The following HSPH1 variants were observed in gnomAD, a reference collection of about 807,000 sequenced individuals.
HSPH1 encodes the protein heat shock protein family H (Hsp110) member 1.
A neutral mutation model predicts 100.0 loss-of-function variants in HSPH1; 40 were observed. The ratio of observed to expected loss-of-function variants is 0.40; its 90% CI spans 0.31 to 0.52. HSPH1 has a LOEUF of 0.52. HSPH1 is among the 20% of genes least tolerant of loss of function. The pLI, the probability that HSPH1 is intolerant of heterozygous loss-of-function variation, is 0.54. For synonymous variants in HSPH1, 403 were observed against 344.0 expected (o/e 1.17, Z -1.90); for missense variants, 876 against 1,015.1 (o/e 0.86, Z 1.86).
Position 31,161,841 on chromosome 13 carries a change from C to T in HSPH1, c.-259G>A. On this transcript the variant is annotated 5_prime_UTR_variant, in exon 1 of 18. Coordinates refer to ENST00000320027, the MANE Select transcript of HSPH1 (RefSeq NM_006644.4). ...TCAGCCTCCGCAGGTCGCTCCGCAC[C>T]TCGGGTTGCCTGCCTCACTCTGCCG... 1.4e-6 allele frequency: 2 copies of T among 1,476,928 alleles called. No individual in the cohort carries two copies. The highest frequency in any genetic ancestry group is 2.5e-5 in the East Asian group (1 of 40,252). The allele number at this position is 1,476,928 out of a possible 1,614,324, so 91.5% of individuals were successfully genotyped here.
chr13:31,141,326 G>A, intron 12 of HSPH1, 67 bp from the exon 13 acceptor site: 1 of 1,346,254 alleles, frequency 7.4e-7, no homozygotes, highest in Non-Finnish European at 1.0e-6. Flanking sequence ...CAAAAAAAAT[G>A]TCCTCATACT....
At chr13:31,140,990 C>T in intron 13 of HSPH1, 132 bp downstream of exon 13, 1 of 554,894 alleles carries the variant, frequency 1.8e-6, no homozygotes, top group Non-Finnish European at 2.9e-6. Context: ...GTTTTGTCTT[C>T]ATCCTATCCC....
intron 9 of HSPH1, 92 bp downstream of exon 9, chr13:31,148,282 G>T: frequency 1.0e-6 from 1 of 992,588 alleles, no homozygotes; most frequent in Non-Finnish European, 1.5e-6. Flanking sequence ...GACTACTAGA[G>T]AAGTCATTTG....
At chr13:31,142,354 G>A (rs926639675) in intron 12 of HSPH1, among the ~76,000 whole-genome samples, 1 of 152,066 alleles carries the variant, frequency 6.6e-6, no homozygotes, top group African/African-American at 2.4e-5. Context: ...CACCTATCAA[G>A]TGCCATAAGC....
At position 31,154,758 on chromosome 13, in the gene HSPH1, A is replaced by G; in HGVS notation, c.307-3T>C. On this transcript the variant is annotated splice_polypyrimidine_tract_variant and splice_region_variant and intron_variant, in intron 3 of 17. Coordinates refer to ENST00000320027, the MANE Select transcript of HSPH1 (RefSeq NM_006644.4). ...TGTTCTTCACCCATGTACATTACCT[A>G]TATTGAAGGGAAAAAATGTTTTAAA... 1 of 1,610,512 alleles carries G rather than the reference A, an allele frequency of 6.2e-7. No homozygotes were observed. Among genetic ancestry groups the G allele is most frequent in the Non-Finnish European group, 8.5e-7 (1 of 1,177,712 alleles).
At chr13:31,139,151 A>C (rs768167626) in intron 14 of HSPH1, 44 bp from the exon 15 acceptor site, 1 of 1,195,788 alleles carries the variant, frequency 8.4e-7, no homozygotes, top group African/African-American at 1.5e-5. Context: ...CGTACTTCAG[A>C]ATTTTTCACA....
At chr13:31,140,997 T>C in intron 13 of HSPH1, 125 bp downstream of exon 13, 2 of 582,394 alleles carry the variant, frequency 3.4e-6, no homozygotes, top group Non-Finnish European at 5.5e-6. Context: ...CTTCATCCTA[T>C]CCCTAAAACT....
At chr13:31,158,484 G>A (rs1008203568) in intron 2 of HSPH1, among the ~76,000 whole-genome samples, 3 of 149,772 alleles carry the variant, frequency 2.0e-5, no homozygotes, top group East Asian at 2.0e-4. Context: ...GGGAGGCGGA[G>A]GTTGCAGTGA....
At chr13:31,139,616 C>G (rs531665258) in intron 14 of HSPH1, among the ~76,000 whole-genome samples, 1 of 152,046 alleles carries the variant, frequency 6.6e-6, no homozygotes, top group African/African-American at 2.4e-5. Context: ...GACCTTAGAA[C>G]TATTAATAAA....
chr13:31,156,393 A>AC (rs1204223207), intron 2 of HSPH1, among the ~76,000 whole-genome samples: 1 of 124,700 alleles, frequency 8.0e-6, no homozygotes, highest in Non-Finnish European at 1.9e-5. Flanking sequence ...CCGTCTCAAA[A>AC]CAAAAAAAAA....
At chr13:31,161,058 A>C (rs909025697) in intron 1 of HSPH1, among the ~76,000 whole-genome samples, 2 of 152,184 alleles carry the variant, frequency 1.3e-5, no homozygotes, top group Non-Finnish European at 1.5e-5. Flanking sequence ...GACAAGCTGG[A>C]GGCGGCTCAG....
In HSPH1 at chr13:31,161,728, CACAG is replaced by C. The variant is rs1566022214; in HGVS notation, c.-150_-147del. On this transcript the variant is annotated 5_prime_UTR_variant, in exon 1 of 18. Transcript: ENST00000320027. ...CGTTCCTCTGACACTCAGAAGGACA[CACAG>C]ACAGCCGCGGCCTGTCAGGAGCCTC... is the stretch of plus-strand genomic sequence containing the variant. The C allele has an allele frequency of 3.3e-6, 5 of 1,533,840 alleles. No individual in the cohort carries two copies. Among genetic ancestry groups the C allele is most frequent in the Non-Finnish European group, 3.5e-6 (4 of 1,145,770 alleles).
chr13:31,152,457 A>C (rs1956522196), intron 5 of HSPH1: 1 of 184,498 alleles, frequency 5.4e-6, no homozygotes, highest in South Asian at 1.2e-4. Flanking sequence ...TTGATAAATG[A>C]TCACCTATCT....
intron 8 of HSPH1, 24 bp downstream of exon 8, chr13:31,149,930 G>C: frequency 3.2e-6 from 5 of 1,581,892 alleles, no homozygotes; most frequent in Non-Finnish European, 4.3e-6. Context: ...TGTACACCAA[G>C]CAAAAGCAGA....
intron 16 of HSPH1, 70 bp downstream of exon 16, chr13:31,138,711 T>C (rs889809442): frequency 1.3e-5 from 20 of 1,552,034 alleles, no homozygotes; most frequent in Non-Finnish European, 1.6e-5. Context: ...TCATGATGAT[T>C]CCCAGCTTAA....
At chr13:31,147,932 G>C in intron 10 of HSPH1, 27 bp downstream of exon 10, 9 of 1,551,816 alleles carry the variant, frequency 5.8e-6, no homozygotes, top group Non-Finnish European at 7.8e-6. Flanking sequence ...AACTAAAAGA[G>C]TAAAATATAC....
At chr13:31,148,673 T>C (rs940501509) in intron 8 of HSPH1, among the ~76,000 whole-genome samples, 193 bp from the exon 9 acceptor site, 1 of 151,718 alleles carries the variant, frequency 6.6e-6, no homozygotes, top group African/African-American at 2.4e-5. Context: ...TGCCAATTAC[T>C]AGGTACAAAG....
rs760847866 is a variant in HSPH1, at chr13:31,138,450, T to C, written c.2327A>G (p.Gln776Arg). 5 of 1,613,230 alleles carry C rather than the reference T, an allele frequency of 3.1e-6. No homozygotes were observed. Among genetic ancestry groups the C allele is most frequent in the Non-Finnish European group, 4.2e-6 (5 of 1,179,496 alleles). The change falls in exon 17 of 18, where the codon CAG becomes CGG. Residue 776 changes from glutamine to arginine, a missense_variant. Physicochemically the swap from Gln to Arg is conservative, Grantham distance 43. Coordinates refer to ENST00000320027, the MANE Select transcript of HSPH1 (RefSeq NM_006644.4). The part of the protein sequence containing the change: ...MNAQAKKSLD[Q>R]DPVVRAQEIK... ...TTCCTGAGCACGTACAACTGGATCCTGATCAAGACTCTTTTTAGCCTGAGC... is the reference window on the plus strand; with the variant it reads ...TTCCTGAGCACGTACAACTGGATCCCGATCAAGACTCTTTTTAGCCTGAGC...
intron 4 of HSPH1, chr13:31,154,112 G>C (rs1426210289): frequency 1.7e-5 from 3 of 178,906 alleles, no homozygotes; most frequent in Non-Finnish European, 3.5e-5. Context: ...TGGGTGAGCA[G>C]AATTTACCTT....
Sources: allele counts gnomAD v4.1 joint callset (sites outside exome capture counted in the v4.1 genomes callset), GRCh38; gene constraint gnomAD v4.1.1; transcripts MANE v1.5; gene names NCBI Gene and HGNC (gene_info 2026-07-23, HGNC 2026-07-21).